ATF2: variants seen among roughly 807,000 people sequenced by gnomAD.
ATF2 encodes the protein cyclic AMP-dependent transcription factor ATF-2.
ATF2 carries 24 observed loss-of-function variants against 60.6 expected under a neutral mutation model. The observed-to-expected ratio is 0.40, with a 90% CI of 0.29 to 0.56. The LOEUF (loss-of-function observed/expected upper bound fraction) is 0.56, where lower values mean the gene tolerates loss of function less well. ATF2 is among the 20% of genes least tolerant of loss of function. The pLI is 0.54. For synonymous variants in ATF2, 206 were observed against 215.4 expected (o/e 0.96, Z 0.38); for missense variants, 433 against 607.7 (o/e 0.71, Z 3.02).
At chr2:175,106,919 T>C (rs1366255756) in intron 10 of ATF2, among the ~76,000 whole-genome samples, 2 of 152,094 alleles carry the variant, frequency 1.3e-5, no homozygotes, top group Non-Finnish European at 2.9e-5. Context: ...ATCCCAGTAC[T>C]TTGGGAGGCC....
In ATF2 at chr2:175,077,602, AT is replaced by A. The variant is rs546556975; in HGVS notation, c.1292-2768del. Among the ~76,000 whole-genome samples the A allele has an allele frequency of 3.9e-5, 6 of 152,314 alleles. No homozygotes were observed. The South Asian group carries it at 1.2e-3, about 32-fold the overall frequency. ...AAGAGGCTGATCTGTGATGAGTGGT[AT>A]AAGGAAACGTAAATACATACTGGAG... On this transcript the variant is annotated intron_variant, in intron 13 of 13. Coordinates refer to ENST00000264110, the MANE Select transcript of ATF2 (RefSeq NM_001880.4).
intron 2 of ATF2, among the ~76,000 whole-genome samples, chr2:175,144,553 A>T (rs1258846780): frequency 6.6e-6 from 1 of 152,254 alleles, no homozygotes; most frequent in Non-Finnish European, 1.5e-5. Flanking sequence ...ATAAAAGTTA[A>T]GCCACCAGAG....
At chr2:175,147,124 A>G (rs1349953210) in intron 2 of ATF2, among the ~76,000 whole-genome samples, 1 of 152,198 alleles carries the variant, frequency 6.6e-6, no homozygotes, top group African/African-American at 2.4e-5. Flanking sequence ...TCAAAGGGTG[A>G]TATCATATAA....
chr2:175,134,294 G>A (rs566366609), intron 3 of ATF2, among the ~76,000 whole-genome samples: 3 of 151,848 alleles, frequency 2.0e-5, no homozygotes, highest in Non-Finnish European at 4.4e-5. Context: ...AATATTACAC[G>A]ATTTTATATA....
At chr2:175,121,211 G>A (rs939659928) in intron 5 of ATF2, among the ~76,000 whole-genome samples, 3 of 151,770 alleles carry the variant, frequency 2.0e-5, no homozygotes, top group African/African-American at 7.2e-5. Context: ...GAGTTCTAAT[G>A]AACTTCCACA....
intron 2 of ATF2, among the ~76,000 whole-genome samples, chr2:175,141,335 A>G (rs1366926787): frequency 6.6e-6 from 1 of 151,710 alleles, no homozygotes; most frequent in Non-Finnish European, 1.5e-5. Flanking sequence ...TGAAATGGCA[A>G]CTTTCTCTCT....
intron 10 of ATF2, among the ~76,000 whole-genome samples, chr2:175,108,308 TCCGGGA>T (rs1695865782): frequency 6.7e-6 from 1 of 150,282 alleles, no homozygotes; most frequent in Admixed American, 6.6e-5. Flanking sequence ...AGCCACCCCG[TCCGGGA>T]GGGAGGTGGG....
chr2:175,107,024 C>T (rs1695719937), intron 10 of ATF2, among the ~76,000 whole-genome samples: 1 of 151,944 alleles, frequency 6.6e-6, no homozygotes, highest in African/African-American at 2.4e-5. Context: ...ACTTGAGGGG[C>T]TAAGGCAGGA....
intron 4 of ATF2, among the ~76,000 whole-genome samples, chr2:175,125,796 A>G (rs1027727469): frequency 6.6e-6 from 1 of 152,144 alleles, no homozygotes; most frequent in Non-Finnish European, 1.5e-5. Flanking sequence ...ACAGAATACA[A>G]AACTGTGCAG....
At chr2:175,160,633 G>A (rs999795241) in intron 1 of ATF2, among the ~76,000 whole-genome samples, 1 of 152,096 alleles carries the variant, frequency 6.6e-6, no homozygotes, top group Non-Finnish European at 1.5e-5. Flanking sequence ...TGTATAATTA[G>A]CAGAGACTTC....
chr2:175,080,499 T>C, intron 13 of ATF2, 161 bp downstream of exon 13: 1 of 471,714 alleles, frequency 2.1e-6, no homozygotes, highest in Non-Finnish European at 3.6e-6. Flanking sequence ...TTCTAAAAAA[T>C]TATACCTCTC....
At chr2:175,085,165 T>C (rs1694064100) in intron 12 of ATF2, among the ~76,000 whole-genome samples, 1 of 152,186 alleles carries the variant, frequency 6.6e-6, no homozygotes, top group East Asian at 1.9e-4. Flanking sequence ...TAAACCGTAT[T>C]ATGTAACAAA....
At chr2:175,167,086 T>C (rs929392030) in intron 1 of ATF2, among the ~76,000 whole-genome samples, 1 of 152,116 alleles carries the variant, frequency 6.6e-6, no homozygotes, top group African/African-American at 2.4e-5. Context: ...ATATTCACAG[T>C]AGTTTTGCTC....
intron 10 of ATF2, among the ~76,000 whole-genome samples, chr2:175,107,522 G>GCTCCCT (rs148488300): frequency 6.9e-5 from 10 of 145,036 alleles, no homozygotes; most frequent in Admixed American, 6.8e-5. Flanking sequence ...ACGTTTTGTG[G>GCTCCCT]CTCCCTCTCC....
At chr2:175,075,318 C>T (rs1426126484) in intron 13 of ATF2, among the ~76,000 whole-genome samples, 1 of 152,084 alleles carries the variant, frequency 6.6e-6, no homozygotes, top group Non-Finnish European at 1.5e-5. Flanking sequence ...TTTATTCTGA[C>T]TGATTTTCCA....
chr2:175,149,988 G>A (rs986607895), intron 2 of ATF2, among the ~76,000 whole-genome samples: 1 of 152,048 alleles, frequency 6.6e-6, no homozygotes, highest in East Asian at 1.9e-4. Context: ...TAGACTTCAG[G>A]GTATGATGAC....
In ATF2 at chr2:175,114,818, T is replaced by C. The variant is rs761622287; in HGVS notation, c.498A>G (p.Pro166=). The C allele has an allele frequency of 1.9e-6, 3 of 1,614,022 alleles. No individual in the cohort carries two copies. The highest frequency in any genetic ancestry group is 2.5e-6 in the Non-Finnish European group (3 of 1,179,910). The change falls in exon 8 of 14, where the codon CCA becomes CCG. Residue 166 remains proline (P), a synonymous_variant. Coordinates refer to ENST00000264110, the MANE Select transcript of ATF2 (RefSeq NM_001880.4). The part of the protein sequence containing the change: ...TAQPTSAIVR[P]ASLQVPNVLL... ...GCACATTGGGAACCTGTAATGATGCTGGACGAACAATAGCTGATGTGGGCT... is the reference window on the plus strand; with the variant it reads ...GCACATTGGGAACCTGTAATGATGCCGGACGAACAATAGCTGATGTGGGCT...
At chr2:175,113,435 T>A (rs560116748) in intron 9 of ATF2, among the ~76,000 whole-genome samples, 74 of 152,220 alleles carry the variant, frequency 4.9e-4, no homozygotes, top group African/African-American at 1.7e-3. Context: ...CTATTAAATA[T>A]CATAAGTAGA....
At chr2:175,118,152 T>G (rs143042686) in intron 6 of ATF2, 34 bp from the exon 7 acceptor site, 1 of 1,602,496 alleles carries the variant, frequency 6.2e-7, no homozygotes, top group Non-Finnish European at 8.5e-7. Context: ...AGGTTATAAG[T>G]TCAAAAACAG....
Sources: gnomAD v4.1 joint callset for allele counts (sites outside exome capture counted in the v4.1 genomes callset) on GRCh38, gnomAD v4.1.1 for gene constraint, MANE v1.5 for transcripts, NCBI Gene and HGNC (gene_info 2026-07-23, HGNC 2026-07-21) for gene names.